Variants in TMEM132B observed in about 807,000 individuals in gnomAD.
TMEM132B encodes the protein transmembrane protein 132B.
Under a neutral mutation model 90.8 loss-of-function variants are expected in TMEM132B, and 18 were observed. The observed-to-expected ratio is 0.20, with a 90% CI of 0.14 to 0.29. The LOEUF is 0.29. Ranked by LOEUF, TMEM132B falls within the 10% of genes least tolerant of loss-of-function variation. TMEM132B has a pLI of 1.00. For synonymous variants in TMEM132B, 504 were observed against 523.3 expected, an observed-to-expected ratio of 0.96 and a Z score of 0.50; for missense variants, 1,096 against 1,326.8, an observed-to-expected ratio of 0.83 and a Z score of 2.70.
chr12:125,413,312 T>G (rs1370163198), intron 2 of TMEM132B, among the ~76,000 whole-genome samples: 1 of 151,328 alleles, frequency 6.6e-6, no homozygotes, highest in Non-Finnish European at 1.5e-5. Context: ...TCACCTGTGG[T>G]TTTTTTTTCC....
intron 1 of TMEM132B, among the ~76,000 whole-genome samples, chr12:125,234,001 A>G (rs12366356): frequency 0.036 from 5,544 of 152,262 alleles, 116 homozygotes; most frequent in Non-Finnish European, 0.041. Context: ...ATGAAGATGT[A>G]TATAAGAGTT....
chr12:125,261,975 G>T (rs892986554), intron 1 of TMEM132B, among the ~76,000 whole-genome samples: 10 of 152,126 alleles, frequency 6.6e-5, no homozygotes, highest in African/African-American at 2.2e-4. Flanking sequence ...GGGGTTACAG[G>T]AGTGAGCCAC....
intron 1 of TMEM132B, among the ~76,000 whole-genome samples, chr12:125,337,177 G>A (rs369708579): frequency 1.3e-5 from 2 of 152,206 alleles, no homozygotes; most frequent in East Asian, 1.9e-4. Flanking sequence ...ACATAAGGAA[G>A]TGCTATGCCA....
chr12:125,192,380 AG>A (rs1872819103), intron 1 of TMEM132B, among the ~76,000 whole-genome samples: 1 of 152,134 alleles, frequency 6.6e-6, no homozygotes, highest in Non-Finnish European at 1.5e-5. Flanking sequence ...TTGGATTTTG[AG>A]GCTGATTTGC....
intron 3 of TMEM132B, among the ~76,000 whole-genome samples, chr12:125,429,408 G>A (rs933280704): frequency 4.6e-5 from 7 of 151,896 alleles, no homozygotes; most frequent in Non-Finnish European, 1.0e-4. Flanking sequence ...GTTTTACAAT[G>A]TTGGCCAGGC....
At chr12:125,626,655 G>A (rs776939392) in intron 5 of TMEM132B, among the ~76,000 whole-genome samples, 1 of 152,046 alleles carries the variant, frequency 6.6e-6, no homozygotes, top group Non-Finnish European at 1.5e-5. Flanking sequence ...CCAACAAGAA[G>A]TCTGCCGTAA....
chr12:125,356,405 GT>G, intron 2 of TMEM132B, among the ~76,000 whole-genome samples: 1 of 152,304 alleles, frequency 6.6e-6, no homozygotes, highest in East Asian at 1.9e-4. Flanking sequence ...CAACTTTGTG[GT>G]CAGGTCAGAC....
At chr12:125,467,993 G>A (rs887143121) in intron 3 of TMEM132B, among the ~76,000 whole-genome samples, 3 of 151,578 alleles carry the variant, frequency 2.0e-5, no homozygotes, top group Non-Finnish European at 4.4e-5. Flanking sequence ...ACCACATTTT[G>A]TTTATCCATT....
At chr12:125,560,831 C>CA (rs58083131) in intron 4 of TMEM132B, among the ~76,000 whole-genome samples, 20,459 of 29,198 alleles carry the variant, frequency 0.7, 9,448 homozygotes, top group Middle Eastern at 1. Flanking sequence ...GACTCTGTCT[C>CA]AAAAAAAAAA....
intron 1 of TMEM132B, among the ~76,000 whole-genome samples, chr12:125,224,142 A>G (rs1419343071): frequency 6.6e-6 from 1 of 152,168 alleles, no homozygotes; most frequent in East Asian, 1.9e-4. Flanking sequence ...ATGGCTGGAT[A>G]ATATTTCATT....
chr12:125,247,138 A>G (rs78293600), intron 1 of TMEM132B, among the ~76,000 whole-genome samples: 3,688 of 152,178 alleles, frequency 0.024, 157 homozygotes, highest in African/African-American at 0.083. Flanking sequence ...TTCACATCTG[A>G]CTGTTACGCC....
intron 1 of TMEM132B, among the ~76,000 whole-genome samples, chr12:125,274,035 C>G (rs1407934763): frequency 1.3e-5 from 2 of 152,194 alleles, no homozygotes; most frequent in Non-Finnish European, 1.5e-5. Context: ...AAGAACCTCT[C>G]TCCTGAATTC....
rs914680771 is a variant in TMEM132B at position 125,237,668 on chromosome 12, C to T, written c.67+50802C>T. On this transcript the variant is annotated intron_variant, in intron 1 of 8. Coordinates refer to ENST00000682704, the MANE Select transcript of TMEM132B (RefSeq NM_001366854.1). Reference sequence around the variant, plus strand: ...TTCACCGTGTTGGCTAGGCTTGTCTCGAACTCCTGGCCTCAGGTGATCTGC... The same window carrying T: ...TTCACCGTGTTGGCTAGGCTTGTCTTGAACTCCTGGCCTCAGGTGATCTGC... 2.6e-5 allele frequency among the ~76,000 whole-genome samples: 4 copies of T among 152,118 alleles called. No homozygotes were observed. In the East Asian group the frequency reaches 5.8e-4, roughly 22 times the overall value.
At chr12:125,311,168 ATTCT>A (rs1450274009) in intron 1 of TMEM132B, among the ~76,000 whole-genome samples, 1 of 151,962 alleles carries the variant, frequency 6.6e-6, no homozygotes, top group Non-Finnish European at 1.5e-5. Flanking sequence ...TTAAAGGGAG[ATTCT>A]TTCTTACGGA....
intron 1 of TMEM132B, among the ~76,000 whole-genome samples, chr12:125,286,388 T>G (rs1875357325): frequency 6.6e-6 from 1 of 152,250 alleles, no homozygotes; most frequent in Non-Finnish European, 1.5e-5. Context: ...CATTGAATAG[T>G]GCCGTGCCTC....
chr12:125,369,141 G>A (rs905108863), intron 2 of TMEM132B, among the ~76,000 whole-genome samples: 12 of 152,054 alleles, frequency 7.9e-5, no homozygotes, highest in African/African-American at 2.9e-4. Context: ...CTGTACTTGC[G>A]ATAGTTTGCT....
At chr12:125,310,944 G>A (rs1593079139) in intron 1 of TMEM132B, among the ~76,000 whole-genome samples, 1 of 152,218 alleles carries the variant, frequency 6.6e-6, no homozygotes, top group Non-Finnish European at 1.5e-5. Flanking sequence ...CTGAGTACTG[G>A]TGTCCGAGGC....
At chr12:125,329,393 C>G (rs11058141) in intron 1 of TMEM132B, among the ~76,000 whole-genome samples, 42,098 of 152,034 alleles carry the variant, frequency 0.28, 6,017 homozygotes, top group East Asian at 0.48. Context: ...GTGACAGAAC[C>G]CCAGGAGGCA....
At chr12:125,370,880 A>G in intron 2 of TMEM132B, among the ~76,000 whole-genome samples, 1 of 152,248 alleles carries the variant, frequency 6.6e-6, no homozygotes, top group East Asian at 1.9e-4. Flanking sequence ...CTAATAGGAT[A>G]TATGGATATA....
Sources: allele counts gnomAD v4.1 joint callset (sites outside exome capture counted in the v4.1 genomes callset), GRCh38; gene constraint gnomAD v4.1.1; transcripts MANE v1.5; gene names NCBI Gene and HGNC (gene_info 2026-07-23, HGNC 2026-07-21).